Variants in SLIT3 observed in about 807,000 individuals in gnomAD.
SLIT3 encodes slit guidance ligand 3.
Under a neutral mutation model 184.0 loss-of-function variants are expected in SLIT3, and 68 were observed. The ratio of observed to expected loss-of-function variants is 0.37; its 90% CI spans 0.30 to 0.45. The LOEUF is 0.45. Ranked by LOEUF, SLIT3 falls within the 20% of genes least tolerant of loss-of-function variation. The probability of loss-of-function intolerance (pLI) is 1.00; values close to 1 mark genes in which losing one functional copy is unlikely to be tolerated. For synonymous variants in SLIT3, 831 were observed against 828.6 expected (o/e 1.00, Z -0.05); for missense variants, 1,707 against 2,026.0 (o/e 0.84, Z 3.02).
chr5:168,956,597 C>T (rs994547116), intron 4 of SLIT3, among the ~76,000 whole-genome samples: 1 of 151,916 alleles, frequency 6.6e-6, no homozygotes, highest in African/African-American at 2.4e-5. Context: ...AGACAGAGAC[C>T]AGCCTGGCCA....
chr5:168,894,919 G>A (rs1187503250), intron 4 of SLIT3, among the ~76,000 whole-genome samples: 1 of 152,126 alleles, frequency 6.6e-6, no homozygotes, highest in African/African-American at 2.4e-5. Flanking sequence ...GTTAGAAGAG[G>A]GTCATTGGCA....
chr5:169,260,507 C>T (rs947281109), intron 1 of SLIT3, among the ~76,000 whole-genome samples: 3 of 152,166 alleles, frequency 2.0e-5, no homozygotes, highest in African/African-American at 4.8e-5. Context: ...GGTTACAGTT[C>T]GTCTTTATGA....
chr5:169,276,780 C>G (rs1490043377), intron 1 of SLIT3, among the ~76,000 whole-genome samples: 1 of 152,192 alleles, frequency 6.6e-6, no homozygotes, highest in Non-Finnish European at 1.5e-5. Context: ...CTACTATAGG[C>G]TGGGCTGTGC....
chr5:169,184,660 G>A (rs569316162), intron 4 of SLIT3, among the ~76,000 whole-genome samples: 1 of 152,142 alleles, frequency 6.6e-6, no homozygotes, highest in East Asian at 1.9e-4. Context: ...CAGACTTCCC[G>A]GCTGTGTGGC....
intron 4 of SLIT3, among the ~76,000 whole-genome samples, chr5:169,086,836 A>T (rs1444052264): frequency 6.6e-6 from 1 of 152,230 alleles, no homozygotes; most frequent in East Asian, 1.9e-4. Flanking sequence ...CACTACTGGT[A>T]TAATTAACTT....
chr5:169,057,693 G>A (rs568968109), intron 4 of SLIT3, among the ~76,000 whole-genome samples: 10 of 152,284 alleles, frequency 6.6e-5, no homozygotes, highest in African/African-American at 1.4e-4. Context: ...GACTCCCCAC[G>A]GTGCCAGAAG....
intron 6 of SLIT3, 36 bp downstream of exon 6, chr5:168,844,548 C>A: frequency 6.3e-7 from 1 of 1,591,868 alleles, no homozygotes; most frequent in South Asian, 1.1e-5. Context: ...CACACATGCA[C>A]GCACACACAA....
intron 20 of SLIT3, among the ~76,000 whole-genome samples, chr5:168,739,821 G>A (rs1447974145): frequency 2.6e-5 from 4 of 152,270 alleles, no homozygotes; most frequent in African/African-American, 9.6e-5. Context: ...ACAACAAAGT[G>A]AATGGTGAAG....
intron 4 of SLIT3, among the ~76,000 whole-genome samples, chr5:168,957,871 C>T (rs1305982960): frequency 2.6e-5 from 4 of 152,164 alleles, no homozygotes; most frequent in Non-Finnish European, 4.4e-5. Context: ...CTCTGAGTCC[C>T]GAGTCGTTCA....
chr5:169,055,764 G>A (rs142202681), intron 4 of SLIT3, among the ~76,000 whole-genome samples: 1,851 of 151,934 alleles, frequency 0.012, 38 homozygotes, highest in African/African-American at 0.043. Context: ...CCGGGAGGCG[G>A]TGGTTGCAGT....
At chr5:168,983,980 G>T (rs539232922) in intron 4 of SLIT3, among the ~76,000 whole-genome samples, 39 of 152,246 alleles carry the variant, frequency 2.6e-4, no homozygotes, top group African/African-American at 9.4e-4. Flanking sequence ...AGCCCAGGAG[G>T]TTGAGGCTGC....
At chr5:169,199,490 C>T (rs1173132530) in intron 3 of SLIT3, among the ~76,000 whole-genome samples, 1 of 152,132 alleles carries the variant, frequency 6.6e-6, no homozygotes. Flanking sequence ...TTCTGCAATG[C>T]TGAAATCTCT....
intron 4 of SLIT3, among the ~76,000 whole-genome samples, chr5:169,160,122 G>T (rs1167577413): frequency 6.6e-6 from 1 of 152,180 alleles, no homozygotes; most frequent in East Asian, 1.9e-4. Flanking sequence ...GGGGTTTTAT[G>T]TTCCTTTAGT....
At chr5:168,751,075 T>A (rs966757287) in intron 18 of SLIT3, among the ~76,000 whole-genome samples, 1 of 151,770 alleles carries the variant, frequency 6.6e-6, no homozygotes, top group Non-Finnish European at 1.5e-5. Flanking sequence ...GGGAGGGTGC[T>A]CCAGGGAGTG....
chr5:168,902,861 G>C (rs779577163), intron 4 of SLIT3, among the ~76,000 whole-genome samples: 8 of 152,184 alleles, frequency 5.3e-5, no homozygotes, highest in Non-Finnish European at 8.8e-5. Context: ...AGCATGGGCA[G>C]GGGAGGCTGT....
At chr5:169,124,197 G>C (rs1005809016) in intron 4 of SLIT3, among the ~76,000 whole-genome samples, 1 of 152,128 alleles carries the variant, frequency 6.6e-6, no homozygotes, top group Admixed American at 6.5e-5. Context: ...AGTTCTTTAG[G>C]AATAGACTGA....
intron 1 of SLIT3, among the ~76,000 whole-genome samples, chr5:169,272,210 C>T (rs1328782096): frequency 2.0e-5 from 3 of 152,206 alleles, no homozygotes; most frequent in African/African-American, 4.8e-5. Flanking sequence ...GTCCCTGTTC[C>T]GTTTGCAACC....
chr5:169,102,004 C>T (rs1313893829), intron 4 of SLIT3, among the ~76,000 whole-genome samples: 2 of 152,172 alleles, frequency 1.3e-5, no homozygotes, highest in Non-Finnish European at 2.9e-5. Flanking sequence ...ACTTATTTGT[C>T]TTTTCCAACA....
intron 4 of SLIT3, among the ~76,000 whole-genome samples, chr5:169,017,313 G>A (rs1756423233): frequency 1.3e-5 from 2 of 152,138 alleles, no homozygotes; most frequent in African/African-American, 4.8e-5. Flanking sequence ...TCCCCACTCT[G>A]GACTCTCCTG....
Sources: gnomAD v4.1 joint callset for allele counts (sites outside exome capture counted in the v4.1 genomes callset) on GRCh38, gnomAD v4.1.1 for gene constraint, MANE v1.5 for transcripts, NCBI Gene and HGNC (gene_info 2026-07-23, HGNC 2026-07-21) for gene names.